DDX52: variants seen among roughly 807,000 people sequenced by gnomAD.
DDX52 encodes the protein probable ATP-dependent RNA helicase DDX52.
DDX52 carries 59 observed loss-of-function variants against 76.1 expected under a neutral mutation model. The ratio of observed to expected loss-of-function variants is 0.78; its 90% CI spans 0.63 to 0.96. The LOEUF (loss-of-function observed/expected upper bound fraction) is 0.96, where lower values mean the gene tolerates loss of function less well. Among genes scored for constraint, DDX52 ranks in the 40% least tolerant of loss-of-function variants. The probability of loss-of-function intolerance (pLI) is 0.00; values close to 1 mark genes in which losing one functional copy is unlikely to be tolerated. For missense variants in DDX52, 707 were observed against 703.9 expected, an observed-to-expected ratio of 1.00 and a Z score of -0.05; for synonymous variants, 231 against 244.1, an observed-to-expected ratio of 0.95 and a Z score of 0.50.
In DDX52 at chr17:37,610,267, G is replaced by A. The variant is rs145121705; in HGVS notation, c.*4029C>T. On this transcript the variant is annotated 3_prime_UTR_variant, in exon 15 of 15. Coordinates refer to ENST00000617633, the MANE Select transcript of DDX52 (RefSeq NM_007010.5). ...GCCTCCTGAGTAGCTGGGACCACAGGCATGCACCACCACACCGGGCCAATT... is the reference window on the plus strand; with the variant it reads ...GCCTCCTGAGTAGCTGGGACCACAGACATGCACCACCACACCGGGCCAATT... The A allele has an allele frequency of 6.2e-3, 925 of 150,172 alleles. 5 individuals are homozygous for A. The highest frequency in any genetic ancestry group is 0.02 in the African/African-American group (806 of 40,598). The allele number at this position is 150,172 out of a possible 1,614,324, so 9.3% of individuals were successfully genotyped here.
chr17:37,620,403 A>G (rs998785458), intron 12 of DDX52: 2 of 166,980 alleles, frequency 1.2e-5, no homozygotes, highest in Non-Finnish European at 2.6e-5. Context: ...AATCTGCTTA[A>G]AGCGATATAA....
intron 12 of DDX52, chr17:37,620,183 G>A (rs1400318184): frequency 1.4e-5 from 3 of 218,694 alleles, no homozygotes; most frequent in African/African-American, 2.3e-5. Flanking sequence ...GGTTGGCACC[G>A]TTGCCAAGTT....
chr17:37,625,290 AC>A (rs1382351265), intron 8 of DDX52, among the ~76,000 whole-genome samples: 1 of 151,986 alleles, frequency 6.6e-6, no homozygotes, highest in Non-Finnish European at 1.5e-5. Flanking sequence ...ACCGTACCCA[AC>A]CTTGCTTTCT....
Position 37,642,308 on chromosome 17 carries a change from T to A in DDX52, c.88A>T (p.Ile30Leu). 1 of 1,611,628 alleles carries A rather than the reference T, an allele frequency of 6.2e-7. No homozygotes were observed. The highest frequency in any genetic ancestry group is 8.5e-7 in the Non-Finnish European group (1 of 1,178,940). The part of the protein sequence containing the change: ...RFSADAARFQ[I>L]GKRKYDFDSS... ...TCAAAGTCATATTTCCTTTTTCCTA[T>A]CTAAAACCCAAAAAATGTAAAATGA... is the stretch of plus-strand genomic sequence containing the variant. Residue 30 changes from isoleucine to leucine, a missense_variant and splice_region_variant, in exon 2 of 15, where the codon ATA (isoleucine) becomes TTA (leucine). Ile to Leu is a conservative substitution (Grantham distance 5, BLOSUM62 2). Transcript: ENST00000617633.
At position 37,614,141 on chromosome 17, in the gene DDX52, T is replaced by C. The variant is rs2064397891; in HGVS notation, c.*155A>G. On this transcript the variant is annotated 3_prime_UTR_variant, in exon 15 of 15. Coordinates refer to ENST00000617633, the MANE Select transcript of DDX52 (RefSeq NM_007010.5). ...CACCTACAAATTGAAACTGACTTGATAGTTTAGGATCATTTATCACCAGTC... is the reference window on the plus strand; with the variant it reads ...CACCTACAAATTGAAACTGACTTGACAGTTTAGGATCATTTATCACCAGTC... 1.4e-6 allele frequency: 1 copy of C among 728,114 alleles called. No individual in the cohort carries two copies. Among genetic ancestry groups the C allele is most frequent in the Non-Finnish European group, 2.1e-6 (1 of 475,306 alleles). The allele number at this position is 728,114 out of a possible 1,614,324, so 45.1% of individuals were successfully genotyped here.
chr17:37,625,869 G>C (rs1263310934), intron 8 of DDX52, 26 bp downstream of exon 8: 1 of 1,612,490 alleles, frequency 6.2e-7, no homozygotes, highest in Admixed American at 1.7e-5. Context: ...AAATCAGTGT[G>C]ATAATGTTGA....
chr17:37,611,391 G>GA lies in DDX52; in HGVS notation c.*2904dup, dbSNP rs565153032. 2 of 151,942 alleles carry GA rather than the reference G, an allele frequency of 1.3e-5. No homozygotes were observed. The highest frequency in any genetic ancestry group is 2.1e-4 in the South Asian group (1 of 4,826). The allele number at this position is 151,942 out of a possible 1,614,324, so 9.4% of individuals were successfully genotyped here. On this transcript the variant is annotated 3_prime_UTR_variant, in exon 15 of 15. Transcript: ENST00000617633. ...CAAAACAAACAAACAAAAATTAATA[G>GA]AAAAAAAGCTTCTAGAATAAGGATA...
chr17:37,634,662 A>G (rs551264804), intron 2 of DDX52, among the ~76,000 whole-genome samples: 1 of 152,196 alleles, frequency 6.6e-6, no homozygotes, highest in East Asian at 1.9e-4. Flanking sequence ...ACATAACACA[A>G]TACTTTGAAC....
At position 37,624,417 on chromosome 17, in the gene DDX52, G is replaced by T; in HGVS notation, c.1154C>A (p.Thr385Asn). 1 of 1,603,692 alleles carries T rather than the reference G, an allele frequency of 6.2e-7. No individual in the cohort carries two copies. The highest frequency in any genetic ancestry group is 8.5e-7 in the Non-Finnish European group (1 of 1,173,430). ...AACAAAGAGAAGCTCTTGTTCTACA[G>T]TTTCTACTGCAGAATTCCTGGGAAG... ...SIGARNSAVE[T>N]VEQELLFVGS... The change falls in exon 9 of 15, where the codon ACT (threonine) becomes AAT (asparagine). Residue 385 changes from threonine (T) to asparagine (N), a missense_variant. Coordinates refer to ENST00000617633, the MANE Select transcript of DDX52 (RefSeq NM_007010.5).
intron 2 of DDX52, among the ~76,000 whole-genome samples, chr17:37,641,006 A>G (rs2031168810): frequency 6.6e-6 from 1 of 151,970 alleles, no homozygotes; most frequent in African/African-American, 2.4e-5. Flanking sequence ...ACAAACAACA[A>G]AAAAACAAAA....
At chr17:37,626,892 A>G in intron 6 of DDX52, 32 bp from the exon 7 acceptor site, 1 of 1,578,364 alleles carries the variant, frequency 6.3e-7, no homozygotes, top group East Asian at 2.2e-5. Flanking sequence ...GAAATTGCAA[A>G]AACAGGATTT....
chr17:37,625,766 C>T, intron 8 of DDX52, 129 bp downstream of exon 8: 1 of 998,150 alleles, frequency 1.0e-6, no homozygotes, highest in Admixed American at 2.7e-5. Flanking sequence ...CTTAAAAGAA[C>T]ACATTTCAAT....
At position 37,614,443 on chromosome 17, in the gene DDX52, T is replaced by C; in HGVS notation, c.1743-90A>G. 6 of 1,222,588 alleles carry C rather than the reference T, an allele frequency of 4.9e-6. No homozygotes were observed. In the South Asian group the frequency reaches 8.4e-5, roughly 17 times the overall value. The allele number at this position is 1,222,588 out of a possible 1,614,324, so 75.7% of individuals were successfully genotyped here. A position where few individuals can be genotyped will look rare whatever the true frequency, so the allele number is the denominator to read the frequency against. The stretch of plus-strand genomic sequence containing the variant: ...TACCACCAGTTTAATAAACATTTAC[T>C]GAAACCTACTGTGTATCAAATAATG... On this transcript the variant is annotated intron_variant, in intron 14 of 14. Coordinates refer to ENST00000617633, the MANE Select transcript of DDX52 (RefSeq NM_007010.5).
chr17:37,619,677 AC>A, intron 13 of DDX52, 90 bp downstream of exon 13: 1 of 1,128,644 alleles, frequency 8.9e-7, no homozygotes, highest in Non-Finnish European at 1.3e-6. Flanking sequence ...ATGCCACTGC[AC>A]TGCAGTCTGG....
Position 37,642,324 on chromosome 17 carries a change from T to C in DDX52, c.88-16A>G, listed in dbSNP as rs758787226. The C allele has an allele frequency of 6.2e-7, 1 of 1,606,152 alleles. No individual in the cohort carries two copies. Among genetic ancestry groups the C allele is most frequent in the Non-Finnish European group, 8.5e-7 (1 of 1,175,618 alleles). Reference sequence around the variant, plus strand: ...TTTTTCCTATCTAAAACCCAAAAAATGTAAAATGAAACCTACTGACAGAAT... The same window carrying C: ...TTTTTCCTATCTAAAACCCAAAAAACGTAAAATGAAACCTACTGACAGAAT... On this transcript the variant is annotated splice_polypyrimidine_tract_variant and intron_variant, in intron 1 of 14. Coordinates refer to ENST00000617633, the MANE Select transcript of DDX52 (RefSeq NM_007010.5).
chr17:37,639,809 GC>G (rs1021665501), intron 2 of DDX52, among the ~76,000 whole-genome samples: 6 of 151,478 alleles, frequency 4.0e-5, no homozygotes, highest in Admixed American at 3.9e-4. Context: ...TACATTTGTT[GC>G]CACAATGGTT....
chr17:37,611,350 GAAGTA>G lies in DDX52; in HGVS notation c.*2941_*2945del, dbSNP rs758697197. The G allele has an allele frequency of 3.3e-5, 5 of 151,936 alleles. No individual in the cohort carries two copies. Among genetic ancestry groups the G allele is most frequent in the Non-Finnish European group, 7.4e-5 (5 of 68,006 alleles). The allele number at this position is 151,936 out of a possible 1,614,324, so 9.4% of individuals were successfully genotyped here. ...CATGGTTTTTAACAAAAAAGTTTTAGAAGTAAATAGTAAAACAAAACAAACAAACA... is the reference window on the plus strand; with the variant it reads ...CATGGTTTTTAACAAAAAAGTTTTAGAATAGTAAAACAAAACAAACAAACA... On this transcript the variant is annotated 3_prime_UTR_variant, in exon 15 of 15. Transcript: ENST00000617633.
At chr17:37,626,928 C>A in intron 6 of DDX52, 68 bp from the exon 7 acceptor site, 2 of 1,301,090 alleles carry the variant, frequency 1.5e-6, no homozygotes, top group South Asian at 1.3e-5. Context: ...GGAATTAAGC[C>A]TCCTCAACTT....
At chr17:37,624,845 T>C (rs2030283477) in intron 8 of DDX52, among the ~76,000 whole-genome samples, 1 of 152,102 alleles carries the variant, frequency 6.6e-6, no homozygotes, top group African/African-American at 2.4e-5. Context: ...ATTAAGACTT[T>C]ATTAATACTC....
Sources: allele counts gnomAD v4.1 joint callset (sites outside exome capture counted in the v4.1 genomes callset), GRCh38; gene constraint gnomAD v4.1.1; transcripts MANE v1.5; gene names NCBI Gene and HGNC (gene_info 2026-07-23, HGNC 2026-07-21).